Variants in ADAMTSL1 observed in about 807,000 individuals in gnomAD.
ADAMTSL1 encodes the protein ADAMTS-like protein 1.
Under a neutral mutation model 201.8 loss-of-function variants are expected in ADAMTSL1, and 126 were observed. The ratio of observed to expected loss-of-function variants is 0.62; its 90% CI spans 0.54 to 0.72. The LOEUF (loss-of-function observed/expected upper bound fraction) is 0.72. Among genes scored for constraint, ADAMTSL1 ranks in the 30% least tolerant of loss-of-function variants. The pLI is 0.00. For missense variants in ADAMTSL1, 2,679 were observed against 2,277.8 expected, an observed-to-expected ratio of 1.18 and a Z score of -3.59; for synonymous variants, 1,121 against 903.4, an observed-to-expected ratio of 1.24 and a Z score of -4.32.
intron 1 of ADAMTSL1, among the ~76,000 whole-genome samples, chr9:17,990,877 C>G (rs991115931): frequency 3.9e-5 from 6 of 152,116 alleles, no homozygotes; most frequent in Admixed American, 3.9e-4. Context: ...AATTTCCTTA[C>G]CAACTTTACC....
chr9:18,525,830 C>A (rs996128634), intron 2 of ADAMTSL1, among the ~76,000 whole-genome samples: 1 of 152,126 alleles, frequency 6.6e-6, no homozygotes, highest in East Asian at 1.9e-4. Flanking sequence ...AATTTCTGTT[C>A]TTTTACATTT....
chr9:18,672,620 A>T (rs1475847059), intron 9 of ADAMTSL1, among the ~76,000 whole-genome samples: 2 of 152,206 alleles, frequency 1.3e-5, no homozygotes, highest in Non-Finnish European at 2.9e-5. Context: ...CATTATGGTC[A>T]ATCATATTGT....
intron 4 of ADAMTSL1, among the ~76,000 whole-genome samples, chr9:18,610,520 C>G (rs1296971738): frequency 6.6e-6 from 1 of 151,982 alleles, no homozygotes; most frequent in Non-Finnish European, 1.5e-5. Flanking sequence ...CAGTAGAGAA[C>G]CAGGAAGGAA....
Position 18,845,154 on chromosome 9 carries a change from C to A in ADAMTSL1, c.4249+15177C>A, listed in dbSNP as rs531276129. Among the ~76,000 whole-genome samples the A allele has an allele frequency of 5.3e-5, 8 of 152,188 alleles. No homozygotes were observed. The East Asian group carries it at 5.8e-4, about 11-fold the overall frequency. On this transcript the variant is annotated intron_variant, in intron 23 of 28. Coordinates refer to ENST00000380548, the MANE Select transcript of ADAMTSL1 (RefSeq NM_001040272.6). ...ATTGCTCACCCTGGGAGCTGTAGAC[C>A]GGAGCTGTTCCTATTCGGCCATCTT...
At chr9:18,027,628 G>C (rs1253717373) in intron 1 of ADAMTSL1, among the ~76,000 whole-genome samples, 1 of 151,864 alleles carries the variant, frequency 6.6e-6, no homozygotes, top group Non-Finnish European at 1.5e-5. Flanking sequence ...TTTGCTTTAT[G>C]GCTGAGCATG....
Position 17,954,520 on chromosome 9 carries a change from C to G in ADAMTSL1, c.87+47598C>G, listed in dbSNP as rs372173652. ...AGTTGAACAAAATGTCATTATTATACCTGCATGACATTTTCAATGGGAAAA... is the reference window on the plus strand; with the variant it reads ...AGTTGAACAAAATGTCATTATTATAGCTGCATGACATTTTCAATGGGAAAA... On this transcript the variant is annotated intron_variant, in intron 1 of 29. Transcript: ENST00000680146. Among the ~76,000 whole-genome samples, 83 of 152,204 alleles carry G rather than the reference C, an allele frequency of 5.5e-4. No individual in the cohort carries two copies. The East Asian group carries it at 0.011, about 20-fold the overall frequency.
At chr9:18,346,098 C>G (rs577821208) in intron 2 of ADAMTSL1, among the ~76,000 whole-genome samples, 2 of 152,262 alleles carry the variant, frequency 1.3e-5, no homozygotes, top group East Asian at 1.9e-4. Context: ...CATCCATTAG[C>G]CTTCTGTTTC....
chr9:18,082,281 G>A (rs1191925665), intron 1 of ADAMTSL1, among the ~76,000 whole-genome samples: 7 of 152,154 alleles, frequency 4.6e-5, no homozygotes, highest in Admixed American at 4.6e-4. Flanking sequence ...GTAAACTACA[G>A]TGGACATTTG....
chr9:18,227,591 C>T lies in ADAMTSL1; in HGVS notation c.207+63610C>T, dbSNP rs183822040. On this transcript the variant is annotated intron_variant, in intron 2 of 29. Coordinates refer to the ADAMTSL1 transcript ENST00000680146. ...CTCTATGCAAGATGGCCATTTGTCCCCAGAATTGGCAGCACATATGCCTGT... is the reference window on the plus strand; with the variant it reads ...CTCTATGCAAGATGGCCATTTGTCCTCAGAATTGGCAGCACATATGCCTGT... Among the ~76,000 whole-genome samples the T allele has an allele frequency of 1.1e-3, 166 of 152,202 alleles. 1 individual carries two copies. Among genetic ancestry groups the T allele is most frequent in the African/African-American group, 3.9e-3 (163 of 41,538 alleles).
intron 2 of ADAMTSL1, among the ~76,000 whole-genome samples, chr9:18,189,798 T>G (rs929395665): frequency 3.3e-5 from 5 of 152,200 alleles, no homozygotes; most frequent in African/African-American, 1.2e-4. Flanking sequence ...CTCAAGTTTC[T>G]TTCTTTTATG....
In ADAMTSL1 at chr9:18,684,717, G is replaced by A. The variant is rs1241781753; in HGVS notation, c.1491G>A (p.Glu497=). The part of the protein sequence containing the change: ...IVPTPCYKPK[E]KLPVEAKLPW... ...TATGTGCATGCACTGAATTCTCAGA[G>A]AAACTTCCAGTCGAGGCCAAGTTGC... Residue 497 remains glutamate (E), a splice_region_variant and synonymous_variant, in exon 13 of 29, where the codon GAG becomes GAA. Coordinates refer to ENST00000380548, the MANE Select transcript of ADAMTSL1 (RefSeq NM_001040272.6). 1 of 1,612,632 alleles carries A rather than the reference G, an allele frequency of 6.2e-7. No homozygotes were observed.
chr9:18,251,636 A>G (rs144888012), intron 2 of ADAMTSL1, among the ~76,000 whole-genome samples: 384 of 152,266 alleles, frequency 2.5e-3, no homozygotes, highest in Non-Finnish European at 3.1e-3. Flanking sequence ...GCTCACATGG[A>G]AGAAAAAGGG....
chr9:18,290,471 T>C (rs1833207261), intron 2 of ADAMTSL1, among the ~76,000 whole-genome samples: 1 of 152,068 alleles, frequency 6.6e-6, no homozygotes, highest in African/African-American at 2.4e-5. Flanking sequence ...AAAAATTCTT[T>C]CCTTCCTGGC....
chr9:18,592,214 G>A (rs1255702516), intron 4 of ADAMTSL1, among the ~76,000 whole-genome samples: 1 of 152,042 alleles, frequency 6.6e-6, no homozygotes, highest in East Asian at 1.9e-4. Flanking sequence ...TTTGGGGAGT[G>A]CTTTGGATCA....
chr9:18,805,737 C>G (rs1451727201), intron 20 of ADAMTSL1, among the ~76,000 whole-genome samples: 1 of 152,158 alleles, frequency 6.6e-6, no homozygotes, highest in Non-Finnish European at 1.5e-5. Flanking sequence ...CTCTTCAGCC[C>G]TTATGAATGT....
intron 1 of ADAMTSL1, among the ~76,000 whole-genome samples, chr9:17,986,242 G>A (rs1818924291): frequency 6.6e-6 from 1 of 151,974 alleles, no homozygotes; most frequent in Admixed American, 6.6e-5. Context: ...AAGGTAAATT[G>A]ATTGAGAAAA....
At chr9:17,962,770 C>T (rs1289825984) in intron 1 of ADAMTSL1, among the ~76,000 whole-genome samples, 1 of 152,226 alleles carries the variant, frequency 6.6e-6, no homozygotes, top group African/African-American at 2.4e-5. Context: ...ATGCTTTCAT[C>T]TGTTTTCCTG....
chr9:18,001,790 C>T (rs561466601), intron 1 of ADAMTSL1, among the ~76,000 whole-genome samples: 49 of 151,994 alleles, frequency 3.2e-4, no homozygotes, highest in African/African-American at 1.1e-3. Flanking sequence ...TGAGGAGCAT[C>T]GCAGAGAGGG....
At chr9:18,219,512 G>A (rs1267785250) in intron 2 of ADAMTSL1, among the ~76,000 whole-genome samples, 2 of 151,972 alleles carry the variant, frequency 1.3e-5, no homozygotes, top group East Asian at 3.9e-4. Flanking sequence ...GGGATTACAA[G>A]GATGCACCAC....
Sources: allele counts gnomAD v4.1 joint callset (sites outside exome capture counted in the v4.1 genomes callset), GRCh38; gene constraint gnomAD v4.1.1; transcripts MANE v1.5; gene names NCBI Gene and HGNC (gene_info 2026-07-23, HGNC 2026-07-21).